The following COBLL1 variants were observed in gnomAD, a reference collection of about 807,000 sequenced individuals.
COBLL1 encodes the protein cordon-bleu WH2 repeat protein like 1.
In COBLL1, 50 loss-of-function variants were observed where a neutral mutation model predicts 94.8. The ratio of observed to expected loss-of-function variants is 0.53; its 90% CI spans 0.42 to 0.67. COBLL1 has a LOEUF of 0.67. COBLL1 is among the 30% of genes least tolerant of loss of function. The probability of loss-of-function intolerance (pLI) is 0.00; values close to 1 mark genes in which losing one functional copy is unlikely to be tolerated. For missense variants in COBLL1, 1,362 were observed against 1,348.7 expected, an observed-to-expected ratio of 1.01 and a Z score of -0.15; for synonymous variants, 448 against 473.8, an observed-to-expected ratio of 0.95 and a Z score of 0.71.
At chr2:164,703,906 T>C (rs1684448619) in intron 9 of COBLL1, among the ~76,000 whole-genome samples, 1 of 152,212 alleles carries the variant, frequency 6.6e-6, no homozygotes, top group Admixed American at 6.5e-5. Flanking sequence ...GGAAAAGTAT[T>C]ACTATAAATT....
At chr2:164,811,868 T>G (rs1220629640) in intron 2 of COBLL1, among the ~76,000 whole-genome samples, 2 of 152,146 alleles carry the variant, frequency 1.3e-5, no homozygotes, top group East Asian at 1.9e-4. Flanking sequence ...CACTTGGAAC[T>G]ATCAACCTAA....
chr2:164,837,643 A>C (rs1326650775), intron 2 of COBLL1: 1 of 364,544 alleles, frequency 2.7e-6, no homozygotes. Context: ...TACATGAATT[A>C]GATAGGAGTA....
chr2:164,705,181 C>G, intron 7 of COBLL1, 76 bp from the exon 8 acceptor site: 5 of 1,186,828 alleles, frequency 4.2e-6, no homozygotes, highest in Non-Finnish European at 5.7e-6. Flanking sequence ...CTGAACTTTA[C>G]GTCAAGCACA....
intron 2 of COBLL1, among the ~76,000 whole-genome samples, chr2:164,745,011 G>A (rs1361761000): frequency 2.0e-5 from 3 of 152,176 alleles, no homozygotes; most frequent in South Asian, 4.1e-4. Flanking sequence ...CTTTATAAAA[G>A]GCTAATTGGT....
Position 164,730,072 on chromosome 2 carries a change from G to C in COBLL1, c.274C>G (p.His92Asp), listed in dbSNP as rs1283812367. 1 of 1,613,948 alleles carries C rather than the reference G, an allele frequency of 6.2e-7. No individual in the cohort carries two copies. The highest frequency in any genetic ancestry group is 1.7e-5 in the Admixed American group (1 of 60,004). Residue 92 changes from histidine (H) to aspartate (D), a missense_variant, in exon 4 of 14, where the codon CAC becomes GAC. By Grantham distance (81) the His-to-Asp change is moderately conservative (BLOSUM62 -1). Transcript: ENST00000652658. ...DLLIFLCAQY[H>D]LNPSSYTIDL... Reference sequence around the variant, plus strand: ...ATTGTGTAACTTGATGGATTTAAGTGATACTGTGCACAAAGGAATATCAAC... The same window carrying C: ...ATTGTGTAACTTGATGGATTTAAGTCATACTGTGCACAAAGGAATATCAAC...
chr2:164,660,444 G>A (rs1312286285), intron 2 of COBLL1, among the ~76,000 whole-genome samples: 1 of 152,114 alleles, frequency 6.6e-6, no homozygotes, highest in Non-Finnish European at 1.5e-5. Context: ...GGAGGGCCAC[G>A]AGGGGTTCAA....
chr2:164,706,513 T>C (rs1480403087), intron 7 of COBLL1, among the ~76,000 whole-genome samples: 1 of 152,152 alleles, frequency 6.6e-6, no homozygotes, highest in Non-Finnish European at 1.5e-5. Flanking sequence ...TCTGTTCTGA[T>C]CTCCCCTTAA....
chr2:164,786,300 C>A (rs540235164), intron 2 of COBLL1, among the ~76,000 whole-genome samples: 1 of 152,230 alleles, frequency 6.6e-6, no homozygotes, highest in Admixed American at 6.5e-5. Flanking sequence ...TAGAGTCCTG[C>A]CACAAATACA....
intron 2 of COBLL1, among the ~76,000 whole-genome samples, chr2:164,827,322 C>T (rs963889649): frequency 6.6e-6 from 1 of 151,924 alleles, no homozygotes; most frequent in Admixed American, 6.6e-5. Context: ...TGTAAAATGT[C>T]GATTTGTTGC....
At chr2:164,715,644 T>C (rs1454652389) in intron 7 of COBLL1, among the ~76,000 whole-genome samples, 2 of 152,050 alleles carry the variant, frequency 1.3e-5, no homozygotes, top group Non-Finnish European at 2.9e-5. Flanking sequence ...TAAAATTGCA[T>C]AAAAGATGAA....
intron 12 of COBLL1, among the ~76,000 whole-genome samples, chr2:164,693,906 T>C (rs1172454394): frequency 3.3e-5 from 5 of 152,092 alleles, no homozygotes; most frequent in African/African-American, 9.7e-5. Context: ...TACATAGTAA[T>C]GTAAAATTGG....
chr2:164,756,491 A>G (rs1010316780), intron 2 of COBLL1, among the ~76,000 whole-genome samples: 2 of 152,192 alleles, frequency 1.3e-5, no homozygotes, highest in Admixed American at 1.3e-4. Context: ...AAATAGTTAA[A>G]AAATGGCAAA....
intron 10 of COBLL1, among the ~76,000 whole-genome samples, chr2:164,699,952 A>G (rs913023280): frequency 2.6e-5 from 4 of 152,066 alleles, no homozygotes; most frequent in Non-Finnish European, 4.4e-5. Context: ...CATGCAAATT[A>G]TAATAAACGT....
In COBLL1 at chr2:164,841,227, T is replaced by C; in HGVS notation, c.-31A>G. The C allele has an allele frequency of 8.1e-7, 1 of 1,230,324 alleles. No homozygotes were observed. Among genetic ancestry groups the C allele is most frequent in the African/African-American group, 1.6e-5 (1 of 64,220 alleles). 76.2% of individuals were successfully genotyped at this position (1,230,324 alleles called of 1,614,324 possible). On this transcript the variant is annotated 5_prime_UTR_variant, in exon 2 of 14. Coordinates refer to ENST00000652658, the MANE Select transcript of COBLL1 (RefSeq NM_001365672.2). The surrounding 1 kb of genome is among the most constrained non-coding windows in gnomAD (Gnocchi z 5.5). ...TGCGGGGCGCTGCGCGGGCTCCAGC[T>C]CCCAGGCGGCGCGTCACTGCTGGGG...
At chr2:164,662,152 TTAACATCTAAA>T (rs1372171322) in intron 2 of COBLL1, among the ~76,000 whole-genome samples, 1 of 152,048 alleles carries the variant, frequency 6.6e-6, no homozygotes, top group African/African-American at 2.4e-5. Context: ...AGAAGTCGAG[TTAACATCTAAA>T]AAACATACAC....
chr2:164,762,385 T>C (rs1206037900), intron 2 of COBLL1, among the ~76,000 whole-genome samples: 2 of 152,204 alleles, frequency 1.3e-5, no homozygotes, highest in Admixed American at 1.3e-4. Context: ...AGTAGTAGCA[T>C]CTACTGTACC....
At chr2:164,689,621 T>C (rs1370551036) in intron 13 of COBLL1, among the ~76,000 whole-genome samples, 1 of 152,164 alleles carries the variant, frequency 6.6e-6, no homozygotes, top group Non-Finnish European at 1.5e-5. Flanking sequence ...GAAAAACAAA[T>C]GTGCATACAA....
At chr2:164,725,252 AT>A (rs1383902542) in intron 5 of COBLL1, among the ~76,000 whole-genome samples, 5 of 151,614 alleles carry the variant, frequency 3.3e-5, no homozygotes, top group Admixed American at 1.3e-4. Context: ...ACTGGTATCC[AT>A]TTAAAGATTA....
chr2:164,768,299 T>C (rs2105241264), intron 2 of COBLL1, among the ~76,000 whole-genome samples: 1 of 152,296 alleles, frequency 6.6e-6, no homozygotes, highest in Admixed American at 6.5e-5. Context: ...ATTCTCTCAA[T>C]AAAATAATAA....
Sources: allele counts gnomAD v4.1 joint callset (sites outside exome capture counted in the v4.1 genomes callset), GRCh38; gene constraint gnomAD v4.1.1; non-coding constraint Gnocchi (gnomAD v3.1); transcripts MANE v1.5; gene names NCBI Gene and HGNC (gene_info 2026-07-23, HGNC 2026-07-21).